The following LINGO2 variants were observed in gnomAD, a reference collection of about 807,000 sequenced individuals.
LINGO2 encodes leucine rich repeat and Ig domain containing 2.
In LINGO2, 14 loss-of-function variants were observed where a neutral mutation model predicts 30.6. That is an observed-to-expected ratio of 0.46 (90% CI 0.30 to 0.72). LINGO2 has a LOEUF of 0.72. Among genes scored for constraint, LINGO2 ranks in the 30% least tolerant of loss-of-function variants. The pLI, the probability that LINGO2 is intolerant of heterozygous loss-of-function variation, is 0.07. For missense variants in LINGO2, 729 were observed against 751.7 expected, an observed-to-expected ratio of 0.97 and a Z score of 0.35; for synonymous variants, 317 against 288.5, an observed-to-expected ratio of 1.10 and a Z score of -1.00.
the LINGO2 span, chr9:27,940,609 G>C: frequency 6.6e-6 from 1 of 152,176 alleles, no homozygotes; most frequent in African/African-American, 2.4e-5. Context: ...GGAGTCGGTA[G>C]AAACTCCTAA....
intron 4 of LINGO2, among the ~76,000 whole-genome samples, chr9:28,177,629 A>G (rs78175558): frequency 0.047 from 7,157 of 152,272 alleles, 260 homozygotes; most frequent in Admixed American, 0.089. Flanking sequence ...AAATGTTCCA[A>G]CAAATATTGT....
the LINGO2 span, among the ~76,000 whole-genome samples, chr9:29,003,344 T>C: frequency 5.3e-5 from 8 of 152,068 alleles, no homozygotes; most frequent in African/African-American, 1.9e-4. Context: ...CTGATCTGTA[T>C]GGTTCTGTAG....
the LINGO2 span, among the ~76,000 whole-genome samples, chr9:29,000,264 C>T: frequency 2.0e-5 from 3 of 151,778 alleles, no homozygotes; most frequent in East Asian, 1.9e-4. Context: ...TTATTATGTG[C>T]TTATTCTTTC....
chr9:29,211,574 T>C, the LINGO2 span, among the ~76,000 whole-genome samples: 1 of 139,510 alleles, frequency 7.2e-6, no homozygotes, highest in Non-Finnish European at 1.6e-5. Flanking sequence ...TTCTCTTCTC[T>C]TCTCTTCTCT....
the LINGO2 span, among the ~76,000 whole-genome samples, chr9:28,752,983 C>T: frequency 3.3e-5 from 5 of 152,016 alleles, no homozygotes; most frequent in Admixed American, 6.6e-5. Context: ...GCGAATGGGA[C>T]ACATCATCAC....
At chr9:28,463,674 A>T (rs1230614708) in intron 2 of LINGO2, among the ~76,000 whole-genome samples, 1 of 152,126 alleles carries the variant, frequency 6.6e-6, no homozygotes, top group African/African-American at 2.4e-5. Context: ...GTATACAAAA[A>T]TATTCACTTA....
intron 4 of LINGO2, among the ~76,000 whole-genome samples, chr9:28,064,166 T>C (rs943891236): frequency 6.6e-6 from 1 of 152,106 alleles, no homozygotes; most frequent in African/African-American, 2.4e-5. Flanking sequence ...ATCAGAGAAA[T>C]GTCTAATCAC....
chr9:29,105,341 A>T, the LINGO2 span, among the ~76,000 whole-genome samples: 2 of 152,214 alleles, frequency 1.3e-5, no homozygotes, highest in Non-Finnish European at 1.5e-5. Context: ...CATTGGCATT[A>T]TAGAAATGCT....
At chr9:28,727,605 C>A in the LINGO2 span, among the ~76,000 whole-genome samples, 1 of 151,972 alleles carries the variant, frequency 6.6e-6, no homozygotes, top group Admixed American at 6.6e-5. Flanking sequence ...CTAAAAAATA[C>A]TTTTGTCACC....
the LINGO2 span, among the ~76,000 whole-genome samples, chr9:28,842,128 T>G: frequency 6.6e-6 from 1 of 151,688 alleles, no homozygotes; most frequent in Non-Finnish European, 1.5e-5. Flanking sequence ...CAACTGACAG[T>G]TTGACAGTGA....
intron 1 of LINGO2, among the ~76,000 whole-genome samples, chr9:28,516,923 C>G (rs1820640470): frequency 6.6e-6 from 1 of 152,150 alleles, no homozygotes; most frequent in Admixed American, 6.5e-5. Flanking sequence ...ATGTTAGTGA[C>G]AATGTCTATT....
intron 1 of LINGO2, among the ~76,000 whole-genome samples, chr9:28,557,366 C>A (rs1160840128): frequency 6.6e-6 from 1 of 152,098 alleles, no homozygotes; most frequent in South Asian, 2.1e-4. Context: ...TAAAAGAAGA[C>A]ATTTATGCAG....
chr9:29,190,023 CG>C, the LINGO2 span, among the ~76,000 whole-genome samples: 1 of 30,516 alleles, frequency 3.3e-5, no homozygotes, highest in East Asian at 1.1e-3. Flanking sequence ...AGAGGGAGAC[CG>C]TGGGGAGGGA....
chr9:28,035,879 A>AAC (rs1177415318), intron 4 of LINGO2, among the ~76,000 whole-genome samples: 5 of 101,376 alleles, frequency 4.9e-5, no homozygotes, highest in African/African-American at 1.4e-4. Flanking sequence ...ATGATAGCAG[A>AAC]ACACACACAC....
At chr9:28,698,347 C>CA in the LINGO2 span, among the ~76,000 whole-genome samples, 2 of 151,970 alleles carry the variant, frequency 1.3e-5, no homozygotes, top group Non-Finnish European at 1.5e-5. Flanking sequence ...TCCTGTTATT[C>CA]AAAAAAATTA....
intron 4 of LINGO2, among the ~76,000 whole-genome samples, chr9:28,162,266 G>T (rs1224258684): frequency 6.6e-6 from 1 of 152,156 alleles, no homozygotes; most frequent in East Asian, 1.9e-4. Flanking sequence ...GAACTTGAAT[G>T]ATATTGTTTG....
chr9:28,585,121 A>G (rs1267115383), intron 1 of LINGO2, among the ~76,000 whole-genome samples: 1 of 152,056 alleles, frequency 6.6e-6, no homozygotes. Context: ...TTAGATACTC[A>G]TAATTCGTTT....
At chr9:28,895,256 G>T in the LINGO2 span, among the ~76,000 whole-genome samples, 1 of 152,034 alleles carries the variant, frequency 6.6e-6, no homozygotes, top group African/African-American at 2.4e-5. Flanking sequence ...AAAGTCATCA[G>T]AATCAAAATG....
At chr9:29,044,480 C>A in the LINGO2 span, among the ~76,000 whole-genome samples, 2 of 151,938 alleles carry the variant, frequency 1.3e-5, no homozygotes, top group Non-Finnish European at 2.9e-5. Flanking sequence ...GCATATGACT[C>A]TCATACATTG....
Sources: gnomAD v4.1 joint callset for allele counts (sites outside exome capture counted in the v4.1 genomes callset) on GRCh38, gnomAD v4.1.1 for gene constraint, MANE v1.5 for transcripts, NCBI Gene and HGNC (gene_info 2026-07-23, HGNC 2026-07-21) for gene names.